Variants in SPTLC2 observed in about 807,000 individuals in gnomAD.
SPTLC2 encodes serine palmitoyltransferase 2.
SPTLC2 carries 21 observed loss-of-function variants against 62.0 expected under a neutral mutation model. That is an observed-to-expected ratio of 0.34 (90% CI 0.24 to 0.49). SPTLC2 has a LOEUF of 0.49. SPTLC2 is among the 20% of genes least tolerant of loss of function. The pLI, the probability that SPTLC2 is intolerant of heterozygous loss-of-function variation, is 0.99. For missense variants in SPTLC2, 511 were observed against 713.0 expected, an observed-to-expected ratio of 0.72 and a Z score of 3.23; for synonymous variants, 261 against 261.8, an observed-to-expected ratio of 1.00 and a Z score of 0.03.
chr14:77,599,600 T>C (rs772328953), intron 1 of SPTLC2, among the ~76,000 whole-genome samples: 7 of 152,238 alleles, frequency 4.6e-5, no homozygotes, highest in Non-Finnish European at 8.8e-5. Flanking sequence ...CTGATTCAAC[T>C]TGATGATCTA....
At chr14:77,579,229 C>A in intron 2 of SPTLC2, 120 bp from the exon 3 acceptor site, 5 of 990,406 alleles carry the variant, frequency 5.0e-6, no homozygotes, top group Non-Finnish European at 7.7e-6. Flanking sequence ...AATTTCATTA[C>A]GTGCAAGATT....
At chr14:77,535,870 T>C (rs568966916) in intron 9 of SPTLC2, 58 of 420,702 alleles carry the variant, frequency 1.4e-4, no homozygotes, top group Non-Finnish European at 2.3e-4. Flanking sequence ...CAATGAGATA[T>C]GGAGAAGTAG....
Position 77,514,683 on chromosome 14 carries a change from T to A in SPTLC2, c.1570-2280A>T, listed in dbSNP as rs144305606. 2.8e-4 allele frequency among the ~76,000 whole-genome samples: 42 copies of A among 152,360 alleles called. 2 individuals are homozygous for A. In the East Asian group the frequency reaches 8.1e-3, roughly 29 times the overall value. On this transcript the variant is annotated intron_variant, in intron 11 of 11. Transcript: ENST00000216484. The stretch of plus-strand genomic sequence containing the variant: ...ATTCACATTCAGCAAAATTCACTTT[T>A]AAAGTATACAATTCATTGCTTCTAA...
intron 5 of SPTLC2, among the ~76,000 whole-genome samples, chr14:77,568,474 A>G (rs1394547370): frequency 3.3e-5 from 5 of 152,188 alleles, no homozygotes; most frequent in Non-Finnish European, 5.9e-5. Context: ...AACATTCTAT[A>G]TCATTACTGA....
chr14:77,536,405 T>G (rs1483045174), intron 9 of SPTLC2, among the ~76,000 whole-genome samples: 1 of 152,080 alleles, frequency 6.6e-6, no homozygotes, highest in African/African-American at 2.4e-5. Flanking sequence ...GACCAATGGA[T>G]TCACGTCACC....
chr14:77,512,764 G>A (rs1346026800), intron 11 of SPTLC2, among the ~76,000 whole-genome samples: 2 of 152,154 alleles, frequency 1.3e-5, no homozygotes, highest in Admixed American at 1.3e-4. Flanking sequence ...TGCTCAGGCT[G>A]GAGTGCTGTG....
intron 9 of SPTLC2, among the ~76,000 whole-genome samples, chr14:77,537,846 A>G (rs1168852292): frequency 6.6e-6 from 1 of 152,228 alleles, no homozygotes; most frequent in Admixed American, 6.6e-5. Context: ...ACTACATGGT[A>G]AGCAGACAAT....
At position 77,535,232 on chromosome 14, in the gene SPTLC2, T is replaced by A. The variant is rs1156601390; in HGVS notation, c.1304-13651A>T. 3.3e-5 allele frequency among the ~76,000 whole-genome samples: 5 copies of A among 152,102 alleles called. No homozygotes were observed. The East Asian group carries it at 9.6e-4, about 29-fold the overall frequency. ...GTGAGCCACCACACCCAGCCCCAAG[T>A]GCTATTTCTATAAACTGCCAAGACC... On this transcript the variant is annotated intron_variant, in intron 9 of 11. Transcript: ENST00000216484.
intron 1 of SPTLC2, among the ~76,000 whole-genome samples, chr14:77,611,895 C>G (rs2079940388): frequency 6.6e-6 from 1 of 151,292 alleles, no homozygotes; most frequent in Non-Finnish European, 1.5e-5. Flanking sequence ...TGTATTATTT[C>G]TATAATGAGA....
rs112718474 is a variant in SPTLC2 at position 77,571,105 on chromosome 14, A to G, written c.632-597T>C. On this transcript the variant is annotated intron_variant, in intron 4 of 11. Transcript: ENST00000216484. ...TGCCTATCCAATACCACATGGAGCTAAGATAACATCAGGCCCTCCCTAAAT... is the reference window on the plus strand; with the variant it reads ...TGCCTATCCAATACCACATGGAGCTGAGATAACATCAGGCCCTCCCTAAAT... Among the ~76,000 whole-genome samples, 28 of 152,366 alleles carry G rather than the reference A, an allele frequency of 1.8e-4. 1 individual carries two copies. The highest frequency in any genetic ancestry group is 6.7e-4 in the African/African-American group (28 of 41,596).
intron 2 of SPTLC2, among the ~76,000 whole-genome samples, chr14:77,595,732 T>G (rs1438715809): frequency 6.6e-6 from 1 of 152,216 alleles, no homozygotes; most frequent in Non-Finnish European, 1.5e-5. Flanking sequence ...TAATTGTTTC[T>G]TCTACAATCA....
intron 9 of SPTLC2, among the ~76,000 whole-genome samples, chr14:77,542,277 CT>C (rs1262371250): frequency 1.3e-5 from 2 of 151,476 alleles, no homozygotes; most frequent in Non-Finnish European, 2.9e-5. Context: ...AGAATCTTAT[CT>C]AAAAGCTCAA....
intron 6 of SPTLC2, 65 bp from the exon 7 acceptor site, chr14:77,557,211 G>T: frequency 7.4e-7 from 1 of 1,349,274 alleles, no homozygotes. Flanking sequence ...TTCCGGAAAT[G>T]CAGAGATATA....
At chr14:77,540,538 G>A (rs139395989) in intron 9 of SPTLC2, among the ~76,000 whole-genome samples, 3,405 of 152,058 alleles carry the variant, frequency 0.022, 104 homozygotes, top group African/African-American at 0.078. Flanking sequence ...GCAGTGGTGT[G>A]ATCTTGGCTT....
chr14:77,596,455 A>C (rs1210331388), intron 2 of SPTLC2, among the ~76,000 whole-genome samples: 1 of 152,210 alleles, frequency 6.6e-6, no homozygotes, highest in African/African-American at 2.4e-5. Context: ...GTGAGCCGAG[A>C]TCGCACCACT....
chr14:77,601,297 A>T (rs2079875965), intron 1 of SPTLC2, among the ~76,000 whole-genome samples: 1 of 152,094 alleles, frequency 6.6e-6, no homozygotes, highest in African/African-American at 2.4e-5. Flanking sequence ...GCCCCACCCT[A>T]ACCGATCAAT....
intron 2 of SPTLC2, among the ~76,000 whole-genome samples, chr14:77,582,980 G>A (rs1595004399): frequency 6.6e-6 from 1 of 152,014 alleles, no homozygotes; most frequent in African/African-American, 2.4e-5. Context: ...CGGGTGGATC[G>A]CTTGAGCCCA....
chr14:77,571,716 C>T (rs533814488), intron 4 of SPTLC2, among the ~76,000 whole-genome samples: 2 of 152,302 alleles, frequency 1.3e-5, no homozygotes, highest in African/African-American at 4.8e-5. Context: ...CTAAATACTT[C>T]TAAATAGCAA....
At chr14:77,604,638 C>T (rs113526532) in intron 1 of SPTLC2, among the ~76,000 whole-genome samples, 5,255 of 152,024 alleles carry the variant, frequency 0.035, 297 homozygotes, top group African/African-American at 0.12. Context: ...GAGGCCAAGG[C>T]GGGCGGATCA....
Sources: allele counts gnomAD v4.1 joint callset (sites outside exome capture counted in the v4.1 genomes callset), GRCh38; gene constraint gnomAD v4.1.1; transcripts MANE v1.5; gene names NCBI Gene and HGNC (gene_info 2026-07-23, HGNC 2026-07-21).